The following ATP6V1A variants were observed in gnomAD, a reference collection of about 807,000 sequenced individuals.
The protein encoded by ATP6V1A is V-type proton ATPase catalytic subunit A.
In ATP6V1A, 18 loss-of-function variants were observed where a neutral mutation model predicts 70.1. The observed-to-expected ratio is 0.26, with a 90% CI of 0.18 to 0.38. ATP6V1A has a LOEUF of 0.38. Ranked by LOEUF, ATP6V1A falls within the 10% of genes least tolerant of loss-of-function variation. The pLI, the probability that ATP6V1A is intolerant of heterozygous loss-of-function variation, is 1.00. For synonymous variants in ATP6V1A, 232 were observed against 253.8 expected (o/e 0.91, Z 0.82); for missense variants, 424 against 772.4 (o/e 0.55, Z 5.35).
At chr3:113,760,380 A>G (rs1016260081) in intron 1 of ATP6V1A, among the ~76,000 whole-genome samples, 1 of 152,242 alleles carries the variant, frequency 6.6e-6, no homozygotes, top group Non-Finnish European at 1.5e-5. Flanking sequence ...CATTGGGTTA[A>G]TATACCTGAG....
intron 8 of ATP6V1A, among the ~76,000 whole-genome samples, chr3:113,792,980 G>C (rs747350346): frequency 9.2e-5 from 14 of 152,052 alleles, no homozygotes; most frequent in Non-Finnish European, 2.1e-4. Context: ...AAACTGCCTT[G>C]TGTTCATTTT....
At chr3:113,750,794 TAAGAC>T (rs1708577502) in intron 1 of ATP6V1A, among the ~76,000 whole-genome samples, 1 of 152,186 alleles carries the variant, frequency 6.6e-6, no homozygotes, top group Non-Finnish European at 1.5e-5. Flanking sequence ...TCTAAAGACT[TAAGAC>T]AACCCACAGA....
chr3:113,773,417 C>T (rs995116915), intron 1 of ATP6V1A, among the ~76,000 whole-genome samples: 27 of 151,984 alleles, frequency 1.8e-4, no homozygotes, highest in African/African-American at 6.3e-4. Flanking sequence ...CCGTCTTTGG[C>T]ATAAATTAAA....
chr3:113,754,126 T>C (rs2108007081), intron 1 of ATP6V1A, among the ~76,000 whole-genome samples: 1 of 152,328 alleles, frequency 6.6e-6, no homozygotes, highest in Non-Finnish European at 1.5e-5. Flanking sequence ...TCTGTGTATA[T>C]GATGGATTAT....
At chr3:113,756,596 T>G (rs1287085422) in intron 1 of ATP6V1A, among the ~76,000 whole-genome samples, 1 of 152,232 alleles carries the variant, frequency 6.6e-6, no homozygotes, top group East Asian at 1.9e-4. Flanking sequence ...ATGGAATTAA[T>G]GTAACAATGT....
intron 1 of ATP6V1A, among the ~76,000 whole-genome samples, chr3:113,757,944 G>T (rs971699027): frequency 2.0e-5 from 3 of 152,192 alleles, no homozygotes; most frequent in Non-Finnish European, 4.4e-5. Flanking sequence ...AAGAGATTGA[G>T]ACCATCCTGG....
chr3:113,749,352 A>G (rs1036970857), intron 1 of ATP6V1A, among the ~76,000 whole-genome samples: 5 of 151,792 alleles, frequency 3.3e-5, no homozygotes, highest in Non-Finnish European at 5.9e-5. Flanking sequence ...TTATCAGTTT[A>G]TGAGTGTTAC....
At chr3:113,766,931 C>T (rs906166320) in intron 1 of ATP6V1A, among the ~76,000 whole-genome samples, 1 of 152,126 alleles carries the variant, frequency 6.6e-6, no homozygotes, top group Non-Finnish European at 1.5e-5. Context: ...CAGACCAAAT[C>T]TGGGCATCAT....
chr3:113,778,931 C>A (rs1167138727), intron 2 of ATP6V1A, 96 bp downstream of exon 2: 1 of 843,770 alleles, frequency 1.2e-6, no homozygotes, highest in Non-Finnish European at 1.7e-6. Context: ...TTTCTGTTTA[C>A]CTGCATAAAT....
chr3:113,808,122 CTCTG>C (rs953583565), intron 14 of ATP6V1A, among the ~76,000 whole-genome samples: 1 of 145,922 alleles, frequency 6.9e-6, no homozygotes, highest in African/African-American at 2.5e-5. Flanking sequence ...AAGAGCAAAA[CTCTG>C]TCTGAAAAAA....
At chr3:113,791,551 G>A (rs1357391396) in intron 8 of ATP6V1A, among the ~76,000 whole-genome samples, 1 of 151,928 alleles carries the variant, frequency 6.6e-6, no homozygotes, top group Non-Finnish European at 1.5e-5. Context: ...ATCTTTGTAG[G>A]AGATGAGAGG....
intron 2 of ATP6V1A, 116 bp downstream of exon 2, chr3:113,778,951 C>T (rs904479274): frequency 2.9e-6 from 2 of 678,436 alleles, no homozygotes; most frequent in Admixed American, 3.7e-5. Context: ...TTCTGTTTGT[C>T]CTTAGGCGAT....
intron 5 of ATP6V1A, among the ~76,000 whole-genome samples, chr3:113,785,153 A>T (rs1709023182): frequency 2.0e-5 from 3 of 152,268 alleles, no homozygotes; most frequent in Non-Finnish European, 1.5e-5. Context: ...TAGTAATTAT[A>T]TAATGGGACC....
Position 113,784,407 on chromosome 3 carries a change from A to C in ATP6V1A, c.395A>C (p.Lys132Thr). 1 of 1,614,106 alleles carries C rather than the reference A, an allele frequency of 6.2e-7. No homozygotes were observed. Among genetic ancestry groups the C allele is most frequent in the Non-Finnish European group, 8.5e-7 (1 of 1,179,942 alleles). ...VNVSALSRDI[K>T]WDFTPCKNLR... Reference sequence around the variant, plus strand: ...GTGTCTGCTCTTAGCAGAGATATCAAATGGGACTTTACACCTTGCAAAAAC... The same window carrying C: ...GTGTCTGCTCTTAGCAGAGATATCACATGGGACTTTACACCTTGCAAAAAC... Residue 132 changes from lysine (K) to threonine (T), a missense_variant, in exon 4 of 15, where the codon AAA becomes ACA. By Grantham distance (78) the Lys-to-Thr change is moderately conservative. Around this residue, in one of 9 missense-constraint regions of ATP6V1A, gnomAD observed 139 missense variants for 163.5 expected, o/e 0.85. Transcript: ENST00000273398.
chr3:113,767,777 A>C (rs1320074471), intron 1 of ATP6V1A, among the ~76,000 whole-genome samples: 3 of 151,988 alleles, frequency 2.0e-5, no homozygotes, highest in Non-Finnish European at 4.4e-5. Context: ...CAGCTTCCCT[A>C]GTAGCTGGGA....
chr3:113,783,344 A>G (rs1709000494), intron 3 of ATP6V1A, among the ~76,000 whole-genome samples: 1 of 152,212 alleles, frequency 6.6e-6, no homozygotes, highest in East Asian at 1.9e-4. Flanking sequence ...TGCTCTCAGG[A>G]AAAGTTGTAC....
chr3:113,782,587 C>CGT (rs1708991058), intron 3 of ATP6V1A, among the ~76,000 whole-genome samples: 2 of 140,614 alleles, frequency 1.4e-5, no homozygotes, highest in African/African-American at 5.3e-5. Context: ...TATATATACA[C>CGT]ATATATATAT....
chr3:113,782,168 C>T (rs1708983512), intron 3 of ATP6V1A, among the ~76,000 whole-genome samples: 1 of 152,132 alleles, frequency 6.6e-6, no homozygotes, highest in Non-Finnish European at 1.5e-5. Flanking sequence ...GTGCAGATAA[C>T]TAGTCTCTTT....
intron 1 of ATP6V1A, among the ~76,000 whole-genome samples, chr3:113,776,129 C>G (rs552516227): frequency 6.6e-6 from 1 of 152,218 alleles, no homozygotes; most frequent in Admixed American, 6.5e-5. Flanking sequence ...GAGGCCGAGG[C>G]AGGCAGATCA....
Sources: allele counts gnomAD v4.1 joint callset (sites outside exome capture counted in the v4.1 genomes callset), GRCh38; gene constraint gnomAD v4.1.1; regional missense constraint gnomAD v4.1.1; transcripts MANE v1.5; gene names NCBI Gene and HGNC (gene_info 2026-07-23, HGNC 2026-07-21).